SERPINB7: variants seen among roughly 807,000 people sequenced by gnomAD.
SERPINB7 encodes the protein serpin family B member 7.
In SERPINB7, 31 loss-of-function variants were observed where a neutral mutation model predicts 37.4. The observed-to-expected ratio is 0.83, with a 90% CI of 0.62 to 1.12. The LOEUF (loss-of-function observed/expected upper bound fraction) is 1.12. Ranked by LOEUF, SERPINB7 falls within the 50% of genes most tolerant of loss-of-function variation. SERPINB7 has a pLI of 0.00. For synonymous variants in SERPINB7, 163 were observed against 166.1 expected (o/e 0.98, Z 0.14); for missense variants, 521 against 455.3 (o/e 1.14, Z -1.31).
intron 1 of SERPINB7, among the ~76,000 whole-genome samples, chr18:63,770,234 C>T (rs1301037739): frequency 6.6e-6 from 1 of 150,744 alleles, no homozygotes; most frequent in African/African-American, 2.4e-5. Context: ...AGATTTTATC[C>T]CTGCCTCTAT....
intron 1 of SERPINB7, among the ~76,000 whole-genome samples, chr18:63,758,021 A>T (rs1294486611): frequency 6.6e-6 from 1 of 152,130 alleles, no homozygotes; most frequent in Admixed American, 6.5e-5. Flanking sequence ...TTACTATCAC[A>T]TTGCCACATT....
intron 2 of SERPINB7, among the ~76,000 whole-genome samples, chr18:63,786,927 T>C (rs1256666272): frequency 6.6e-6 from 1 of 152,192 alleles, no homozygotes. Context: ...TTATCTAAAA[T>C]GCCTGGGACC....
At chr18:63,753,499 A>G (rs149896863) in intron 1 of SERPINB7, among the ~76,000 whole-genome samples, 22 of 152,342 alleles carry the variant, frequency 1.4e-4, no homozygotes, top group African/African-American at 4.6e-4. Context: ...TACACCAACT[A>G]TATCTACTAC....
chr18:63,773,327 A>G (rs1274957627), upstream of SERPINB7, among the ~76,000 whole-genome samples: 1 of 152,162 alleles, frequency 6.6e-6, no homozygotes, highest in Non-Finnish European at 1.5e-5. Context: ...AAATGACATC[A>G]GCTTCCAGGG....
At chr18:63,794,723 A>C (rs1242541580) in intron 4 of SERPINB7, among the ~76,000 whole-genome samples, 4 of 152,106 alleles carry the variant, frequency 2.6e-5, no homozygotes, top group Non-Finnish European at 5.9e-5. Flanking sequence ...AAAAAACAAA[A>C]AAAAAATACT....
At position 63,754,880 on chromosome 18, in the gene SERPINB7, CTTTTTTTTTTT is replaced by C. The variant is rs71162676; in HGVS notation, c.-19+1780_-19+1790del. ...TGCCCAGCATTGTTTAAACTGAGGT[CTTTTTTTTTTT>C]TTTTTTTTTTTTTTTTTTTGAGACG... On this transcript the variant is annotated intron_variant, in intron 1 of 7. Coordinates refer to the SERPINB7 transcript ENST00000336429. Among the ~76,000 whole-genome samples the C allele has an allele frequency of 6.1e-3, 353 of 58,000 alleles. 2 individuals are homozygous for C. Among genetic ancestry groups the C allele is most frequent in the African/African-American group, 0.022 (306 of 14,012 alleles). The allele number at this position is 58,000 out of a possible 152,430, so 38.1% of individuals were successfully genotyped here. A position where few individuals can be genotyped will look rare whatever the true frequency, so the allele number is the denominator to read the frequency against.
intron 1 of SERPINB7, among the ~76,000 whole-genome samples, chr18:63,762,280 C>T (rs1428020306): frequency 6.6e-6 from 1 of 152,160 alleles, no homozygotes; most frequent in African/African-American, 2.4e-5. Flanking sequence ...TTTCAAAGGG[C>T]AAATTTATTA....
intron 1 of SERPINB7, among the ~76,000 whole-genome samples, chr18:63,768,203 A>G (rs562471936): frequency 1.3e-5 from 2 of 151,020 alleles, no homozygotes; most frequent in South Asian, 4.2e-4. Flanking sequence ...TTTTTGGTTT[A>G]TTTTGCTCTT....
At chr18:63,791,619 AT>A (rs552815167) in intron 2 of SERPINB7, among the ~76,000 whole-genome samples, 63 of 150,894 alleles carry the variant, frequency 4.2e-4, no homozygotes, top group South Asian at 2.7e-3. Flanking sequence ...TTTTATTTTT[AT>A]TTTTTTTTGA....
At chr18:63,783,695 A>G (rs1204455997) in intron 2 of SERPINB7, among the ~76,000 whole-genome samples, 1 of 152,202 alleles carries the variant, frequency 6.6e-6, no homozygotes, top group South Asian at 2.1e-4. Context: ...GTAGCTCAAC[A>G]GCAGGTGAGA....
intron 1 of SERPINB7, among the ~76,000 whole-genome samples, chr18:63,779,451 G>A (rs1479574075): frequency 1.3e-5 from 2 of 152,118 alleles, no homozygotes; most frequent in South Asian, 2.1e-4. Flanking sequence ...CATAGAGAAA[G>A]ATAATAAAAA....
intron 7 of SERPINB7, among the ~76,000 whole-genome samples, chr18:63,803,173 C>T (rs1405357347): frequency 6.6e-6 from 1 of 151,944 alleles, no homozygotes; most frequent in Non-Finnish European, 1.5e-5. Context: ...ACATACTATA[C>T]AATCTTAAAT....
intron 5 of SERPINB7, 32 bp from the exon 6 acceptor site, chr18:63,798,572 A>G: frequency 1.3e-6 from 2 of 1,502,060 alleles, no homozygotes; most frequent in Non-Finnish European, 1.8e-6. Context: ...ATATTAAAAT[A>G]AACATTTTTC....
At chr18:63,767,164 A>G (rs1323141975) in intron 1 of SERPINB7, among the ~76,000 whole-genome samples, 1 of 152,068 alleles carries the variant, frequency 6.6e-6, no homozygotes, top group Admixed American at 6.5e-5. Flanking sequence ...GAGGCAATGG[A>G]GAGAAAAAAA....
At chr18:63,756,573 G>T (rs1165264649) in intron 1 of SERPINB7, among the ~76,000 whole-genome samples, 5 of 152,098 alleles carry the variant, frequency 3.3e-5, no homozygotes, top group Admixed American at 3.3e-4. Flanking sequence ...AACAGAGTGG[G>T]CCCAGGTCTC....
chr18:63,793,740 ATCT>A (rs1274441434), intron 4 of SERPINB7, among the ~76,000 whole-genome samples: 8 of 152,112 alleles, frequency 5.3e-5, no homozygotes, highest in African/African-American at 1.7e-4. Flanking sequence ...GGCTCAAGTG[ATCT>A]TCTTTCTTCA....
At chr18:63,797,452 G>A (rs1450071703) in intron 5 of SERPINB7, among the ~76,000 whole-genome samples, 1 of 151,926 alleles carries the variant, frequency 6.6e-6, no homozygotes, top group African/African-American at 2.4e-5. Flanking sequence ...CTAAAATCTA[G>A]GTGGGATTCT....
At chr18:63,775,332 T>C (rs1431316674), upstream of SERPINB7, 5 of 152,186 alleles carry the variant, frequency 3.3e-5, no homozygotes, top group Admixed American at 2.6e-4. Flanking sequence ...GAAACCTGGT[T>C]CAAAACCTAA....
chr18:63,768,443 C>T (rs1034550625), intron 1 of SERPINB7, among the ~76,000 whole-genome samples: 1 of 152,024 alleles, frequency 6.6e-6, no homozygotes, highest in Non-Finnish European at 1.5e-5. Context: ...GTGAGAAACA[C>T]CTTTATTACT....
Sources: gnomAD v4.1 joint callset for allele counts (sites outside exome capture counted in the v4.1 genomes callset) on GRCh38, gnomAD v4.1.1 for gene constraint, MANE v1.5 for transcripts, NCBI Gene and HGNC (gene_info 2026-07-23, HGNC 2026-07-21) for gene names.